HMCN1: variants seen among roughly 807,000 people sequenced by gnomAD.
The protein encoded by HMCN1 is hemicentin 1, also known as hemicentin-1.
In HMCN1, 321 loss-of-function variants were observed where a neutral mutation model predicts 625.9. The observed-to-expected ratio is 0.51, with a 90% confidence interval of 0.47 to 0.56. The LOEUF is 0.56. Ranked by LOEUF, HMCN1 falls within the 20% of genes least tolerant of loss-of-function variation. The pLI is 0.00. For missense variants in HMCN1, 6,588 were observed against 6,887.3 expected (o/e 0.96, Z 1.54); for synonymous variants, 2,425 against 2,417.6 (o/e 1.00, Z -0.09).
rs1218041165 is a variant in HMCN1 at position 185,977,915 on chromosome 1, A to G, written c.2500A>G (p.Ile834Val). 3 of 1,613,326 alleles carry G rather than the reference A, an allele frequency of 1.9e-6. No homozygotes were observed. The highest frequency in any genetic ancestry group is 2.5e-6 in the Non-Finnish European group (3 of 1,179,630). The change falls in exon 16 of 107, where the codon ATT becomes GTT. Residue 834 changes from isoleucine (I) to valine (V), a missense_variant. This residue lies in a region of HMCN1 where 4,628 missense variants were observed against 4,853.1 expected (regional missense o/e 0.95). Coordinates refer to ENST00000271588, the MANE Select transcript of HMCN1 (RefSeq NM_031935.3). Reference sequence around the variant, plus strand: ...ATGGCGAAGATTAGACAACATGCCAATTTTCTCAAGACCTTTTTCAGTTAG... The same window carrying G: ...ATGGCGAAGATTAGACAACATGCCAGTTTTCTCAAGACCTTTTTCAGTTAG... ...IKWRRLDNMPIFSRPFSVSSI... is the reference protein window; with the variant it reads ...IKWRRLDNMPVFSRPFSVSSI...
At chr1:185,801,492 A>T (rs1275705317) in intron 1 of HMCN1, among the ~76,000 whole-genome samples, 1 of 152,228 alleles carries the variant, frequency 6.6e-6, no homozygotes, top group East Asian at 1.9e-4. Context: ...GATGGTGGAA[A>T]AGCAAAACCA....
intron 69 of HMCN1, among the ~76,000 whole-genome samples, chr1:186,106,112 C>A (rs1660594851): frequency 6.6e-6 from 1 of 152,066 alleles, no homozygotes; most frequent in South Asian, 2.1e-4. Flanking sequence ...TTTAAAATGC[C>A]AATATTCTGG....
Position 186,119,249 on chromosome 1 carries a change from T to C in HMCN1, c.11907T>C (p.Ala3969=), listed in dbSNP as rs1478101137. The change falls in exon 78 of 107, where the codon GCT becomes GCC. Residue 3969 remains alanine (A), a synonymous_variant. Transcript: ENST00000271588. ...ATGCTGGAAGATACACTTGTGTCGC[T>C]AGGAATGCGGCTGGCTCTGCACATC... is the stretch of plus-strand genomic sequence containing the variant. ...LNHAGRYTCV[A]RNAAGSAHRH... is the part of the protein sequence containing the mutation. 5 of 1,613,896 alleles carry C rather than the reference T, an allele frequency of 3.1e-6. No individual in the cohort carries two copies. Among genetic ancestry groups the C allele is most frequent in the Non-Finnish European group, 3.4e-6 (4 of 1,179,902 alleles).
chr1:185,803,204 G>GAAAAAAAAAAAAAA (rs1557981375), intron 1 of HMCN1, among the ~76,000 whole-genome samples: 1 of 23,712 alleles, frequency 4.2e-5, no homozygotes, highest in Non-Finnish European at 8.2e-5. Flanking sequence ...AAAAAAAAAA[G>GAAAAAAAAAAAAAA]CAAAAAAAAA....
intron 16 of HMCN1, 91 bp from the exon 17 acceptor site, chr1:185,980,887 A>G (rs1212700319): frequency 2.4e-6 from 2 of 839,662 alleles, no homozygotes; most frequent in African/African-American, 1.7e-5. Flanking sequence ...GGCAGTGCAC[A>G]CTTTCCATGC....
At chr1:186,089,644 T>C (rs1046467086) in intron 63 of HMCN1, among the ~76,000 whole-genome samples, 3 of 151,936 alleles carry the variant, frequency 2.0e-5, no homozygotes, top group Non-Finnish European at 4.4e-5. Context: ...ATGCTAATCA[T>C]GAGATATGTT....
At chr1:186,183,470 A>G (rs1653076229) in intron 105 of HMCN1, among the ~76,000 whole-genome samples, 1 of 152,242 alleles carries the variant, frequency 6.6e-6, no homozygotes, top group African/African-American at 2.4e-5. Context: ...TTGGGCCATC[A>G]GTCACCAAAT....
At chr1:186,172,941 A>G (rs12123389) in intron 102 of HMCN1, among the ~76,000 whole-genome samples, 56,024 of 151,972 alleles carry the variant, frequency 0.37, 10,835 homozygotes, top group African/African-American at 0.46. Context: ...GGAGGTCATG[A>G]AAATGATCAC....
chr1:186,096,523 T>A (rs1660147007), intron 68 of HMCN1, among the ~76,000 whole-genome samples: 1 of 152,152 alleles, frequency 6.6e-6, no homozygotes, highest in Admixed American at 6.6e-5. Flanking sequence ...AGTATGGTTC[T>A]CTGGAGTAGA....
chr1:185,974,791 C>G (rs904621430), intron 15 of HMCN1, among the ~76,000 whole-genome samples: 1 of 152,142 alleles, frequency 6.6e-6, no homozygotes, highest in Non-Finnish European at 1.5e-5. Context: ...TACATATATT[C>G]TTTGACCTTG....
intron 97 of HMCN1, among the ~76,000 whole-genome samples, chr1:186,164,255 T>C (rs1279274574): frequency 6.6e-6 from 1 of 151,348 alleles, no homozygotes; most frequent in Non-Finnish European, 1.5e-5. Context: ...TTTTTTTTTT[T>C]TTGAGACAGA....
At chr1:185,814,158 A>G (rs1187142103) in intron 1 of HMCN1, among the ~76,000 whole-genome samples, 1 of 152,198 alleles carries the variant, frequency 6.6e-6, no homozygotes, top group Non-Finnish European at 1.5e-5. Context: ...AACAACTTGA[A>G]AATAGAAGAG....
intron 68 of HMCN1, among the ~76,000 whole-genome samples, chr1:186,102,007 A>G (rs1339215858): frequency 6.6e-6 from 1 of 152,136 alleles, no homozygotes; most frequent in African/African-American, 2.4e-5. Context: ...GACTATGAGG[A>G]GCAAGAAAGG....
rs375407833 is a variant in HMCN1, at chr1:186,087,327, T to C, written c.9157T>C (p.Tyr3053His). Residue 3053 changes from tyrosine to histidine, a missense_variant, in exon 59 of 107, where the codon TAT becomes CAT. Physicochemically the swap from Tyr to His is moderately conservative, Grantham distance 83. Around this residue, in one of 3 missense-constraint regions of HMCN1, gnomAD observed 4,628 missense variants for 4,853.1 expected, o/e 0.95. Coordinates refer to ENST00000271588, the MANE Select transcript of HMCN1 (RefSeq NM_031935.3). ...ESKKKFSLTV[Y>H]VPPSIKDHDS... ...CAAGAAAAAGTTTTCCCTGACTGTT[T>C]ATGGTTCGTTTTTACTCTCTTCATA... 35 of 1,611,136 alleles carry C rather than the reference T, an allele frequency of 2.2e-5. No homozygotes were observed. The highest frequency in any genetic ancestry group is 1.7e-4 in the Admixed American group (10 of 59,854).
Position 185,980,838 on chromosome 1 carries a change from G to C in HMCN1, c.2567-140G>C, listed in dbSNP as rs1188793964. Reference sequence around the variant, plus strand: ...GTTAGCACTTATTTCACTGTGGTGTGATGGCTGGTTTCTGTGTATGTCCCT... The same window carrying C: ...GTTAGCACTTATTTCACTGTGGTGTCATGGCTGGTTTCTGTGTATGTCCCT... On this transcript the variant is annotated intron_variant, in intron 16 of 106. Transcript: ENST00000271588. The C allele has an allele frequency of 5.4e-6, 4 of 734,184 alleles. No individual in the cohort carries two copies. In the African/African-American group the frequency reaches 6.9e-5, roughly 13 times the overall value. The allele number at this position is 734,184 out of a possible 1,614,324, so 45.5% of individuals were successfully genotyped here.
intron 19 of HMCN1, among the ~76,000 whole-genome samples, chr1:185,985,679 AT>A (rs1298931890): frequency 6.6e-6 from 1 of 152,208 alleles, no homozygotes; most frequent in African/African-American, 2.4e-5. Context: ...TAGTGCAGCC[AT>A]TTGGCATTAA....
chr1:185,776,180 T>C (rs1482248339), intron 1 of HMCN1, among the ~76,000 whole-genome samples: 1 of 152,198 alleles, frequency 6.6e-6, no homozygotes, highest in African/African-American at 2.4e-5. Flanking sequence ...ATTATTTTCA[T>C]ATTTGAATTT....
intron 4 of HMCN1, among the ~76,000 whole-genome samples, chr1:185,906,853 T>G (rs1666123503): frequency 6.6e-6 from 1 of 151,884 alleles, no homozygotes; most frequent in Admixed American, 6.6e-5. Context: ...TTCTCTCCTT[T>G]GCCCTCTTCA....
In HMCN1 at chr1:186,074,734, A is replaced by C. The variant is rs376162054; in HGVS notation, c.8140-7A>C. 3.1e-6 allele frequency: 5 copies of C among 1,612,160 alleles called. No individual in the cohort carries two copies. The African/African-American group carries it at 6.7e-5, about 22-fold the overall frequency. ...TTAATGCTAACATTGTTATAATTGA[A>C]TCACAGCCCCTTAAATCCGATGATC... On this transcript the variant is annotated splice_region_variant and splice_polypyrimidine_tract_variant and intron_variant, in intron 52 of 106. Transcript: ENST00000271588.
Sources: gnomAD v4.1 joint callset for allele counts (sites outside exome capture counted in the v4.1 genomes callset) on GRCh38, gnomAD v4.1.1 for gene constraint, gnomAD v4.1.1 regional missense constraint, MANE v1.5 for transcripts, NCBI Gene and HGNC (gene_info 2026-07-23, HGNC 2026-07-21) for gene names.